ZFP90: variants seen among roughly 807,000 people sequenced by gnomAD.
ZFP90 encodes zinc finger protein 90 homolog.
Under a neutral mutation model 60.8 loss-of-function variants are expected in ZFP90, and 38 were observed. The observed-to-expected ratio is 0.62, with a 90% CI of 0.48 to 0.82. The LOEUF is 0.82. ZFP90 is among the 40% of genes least tolerant of loss of function. The probability of loss-of-function intolerance (pLI) is 0.00; values close to 1 mark genes in which losing one functional copy is unlikely to be tolerated. For synonymous variants in ZFP90, 287 were observed against 264.8 expected, an observed-to-expected ratio of 1.08 and a Z score of -0.82; for missense variants, 711 against 759.1, an observed-to-expected ratio of 0.94 and a Z score of 0.74.
intron 2 of ZFP90, among the ~76,000 whole-genome samples, chr16:68,572,208 A>G (rs929173353): frequency 2.0e-5 from 3 of 151,958 alleles, no homozygotes; most frequent in Admixed American, 1.3e-4. Flanking sequence ...GAAAGGTAGC[A>G]GACACACTAA....
chr16:68,541,655 C>T (rs1401122852), intron 2 of ZFP90, among the ~76,000 whole-genome samples: 3 of 151,972 alleles, frequency 2.0e-5, no homozygotes, highest in Admixed American at 2.0e-4. Flanking sequence ...CAGGGATGAG[C>T]CTTAAGGAGT....
At chr16:68,560,630 C>T (rs2091425844) in intron 4 of ZFP90, among the ~76,000 whole-genome samples, 1 of 151,606 alleles carries the variant, frequency 6.6e-6, no homozygotes, top group Non-Finnish European at 1.5e-5. Context: ...GATCTGAGGT[C>T]ACTGTAACCT....
At chr16:68,539,883 C>T (rs2091008573) in intron 2 of ZFP90, 58 bp downstream of exon 2, 11 of 1,579,952 alleles carry the variant, frequency 7.0e-6, no homozygotes, top group Non-Finnish European at 9.4e-6. Flanking sequence ...TCCCATCTCC[C>T]AAGGGTGTTT....
chr16:68,549,408 T>C (rs1197517105), intron 2 of ZFP90, among the ~76,000 whole-genome samples: 1 of 152,184 alleles, frequency 6.6e-6, no homozygotes, highest in Non-Finnish European at 1.5e-5. Context: ...CTGGGCGCGG[T>C]GGCTCATGCC....
intron 2 of ZFP90, among the ~76,000 whole-genome samples, 188 bp from the exon 3 acceptor site, chr16:68,557,810 T>C (rs1567405945): frequency 6.8e-6 from 1 of 147,716 alleles, no homozygotes; most frequent in Non-Finnish European, 1.5e-5. Context: ...CCCTCATAAC[T>C]TTCCTGCCTG....
Position 68,564,554 on chromosome 16 carries a change from C to T in ZFP90, c.1767C>T (p.Ala589=), listed in dbSNP as rs768196559. ...KPYECNECGR[A]FRKKTNLHDH... is the part of the protein sequence containing the mutation. ...ATGAATGTAATGAATGTGGGAGAGC[C>T]TTCCGAAAAAAAACCAACCTGCATG... Residue 589 remains alanine (A), a synonymous_variant, in exon 5 of 5, where the codon GCC becomes GCT. Coordinates refer to ENST00000563169, the MANE Select transcript of ZFP90 (RefSeq NM_001305203.2). 6.2e-7 allele frequency: 1 copy of T among 1,613,374 alleles called. No homozygotes were observed. Among genetic ancestry groups the T allele is most frequent in the South Asian group, 1.1e-5 (1 of 90,964 alleles).
Position 68,557,135 on chromosome 16 carries a change from A to G in ZFP90, c.34-863A>G, listed in dbSNP as rs529998625. The G allele has an allele frequency of 1.5e-4, 67 of 451,938 alleles. 1 individual carries two copies. The highest frequency in any genetic ancestry group is 1.0e-3 in the South Asian group (67 of 64,126). The allele number at this position is 451,938 out of a possible 1,614,324, so 28.0% of individuals were successfully genotyped here. On this transcript the variant is annotated intron_variant, in intron 2 of 4. Transcript: ENST00000563169. ...CCTGAGTAGCTGGGACTGTAGGCACACACCACCATGCCAGGCTAATTTTTT... is the reference window on the plus strand; with the variant it reads ...CCTGAGTAGCTGGGACTGTAGGCACGCACCACCATGCCAGGCTAATTTTTT...
At chr16:68,554,653 A>C (rs1397601013) in intron 2 of ZFP90, among the ~76,000 whole-genome samples, 1 of 152,142 alleles carries the variant, frequency 6.6e-6, no homozygotes, top group Non-Finnish European at 1.5e-5. Flanking sequence ...GGGAAAGCAG[A>C]ATGAAACCAG....
chr16:68,569,418 A>G (rs970985552), downstream of ZFP90, among the ~76,000 whole-genome samples: 2 of 152,188 alleles, frequency 1.3e-5, no homozygotes, highest in Non-Finnish European at 2.9e-5. Context: ...TACAGGCGTG[A>G]GCCAGTGCGC....
intron 2 of ZFP90, chr16:68,557,321 TTTA>T (rs1050052069): frequency 2.0e-5 from 9 of 453,876 alleles, no homozygotes; most frequent in Admixed American, 1.6e-4. Context: ...CCTGTCGCAT[TTTA>T]TTATTAATAC....
At chr16:68,550,538 A>C (rs1026739523) in intron 2 of ZFP90, among the ~76,000 whole-genome samples, 39 of 152,368 alleles carry the variant, frequency 2.6e-4, no homozygotes, top group African/African-American at 9.4e-4. Flanking sequence ...GGTGTGAGCC[A>C]CTGCGCCTGG....
At chr16:68,547,252 A>G (rs1054271719) in intron 2 of ZFP90, among the ~76,000 whole-genome samples, 18 of 152,198 alleles carry the variant, frequency 1.2e-4, no homozygotes, top group African/African-American at 4.3e-4. Flanking sequence ...ATTTATCCAC[A>G]TCCCCCCAAC....
rs1239851572 is a variant in ZFP90, at chr16:68,565,493, A to G, written c.*795A>G. On this transcript the variant is annotated 3_prime_UTR_variant, in exon 5 of 5. Transcript: ENST00000563169. ...AAAGCAACTTCTTGGAGGCTTACAA[A>G]CCACAATTTAACAGAAACTGTAGAT... 1 of 985,456 alleles carries G rather than the reference A, an allele frequency of 1.0e-6. No individual in the cohort carries two copies. The highest frequency in any genetic ancestry group is 1.2e-6 in the Non-Finnish European group (1 of 829,944). The allele number at this position is 985,456 out of a possible 1,614,324, so 61.0% of individuals were successfully genotyped here. A position where few individuals can be genotyped will look rare whatever the true frequency, so the allele number is the denominator to read the frequency against.
chr16:68,548,474 C>CTTTTTTTTTT (rs551779570), intron 2 of ZFP90, among the ~76,000 whole-genome samples: 6 of 81,084 alleles, frequency 7.4e-5, no homozygotes, highest in African/African-American at 2.6e-4. Context: ...GTTTATCCTC[C>CTTTTTTTTTT]TTTTTTTTTT....
chr16:68,567,164 A>G (rs1206006281), downstream of ZFP90: 2 of 985,428 alleles, frequency 2.0e-6, no homozygotes, highest in Non-Finnish European at 2.4e-6. Flanking sequence ...AATTTTCAGA[A>G]CTTGGCTAAG....
downstream of ZFP90, among the ~76,000 whole-genome samples, chr16:68,569,204 T>C (rs2152077966): frequency 6.8e-6 from 1 of 146,162 alleles, no homozygotes; most frequent in Middle Eastern, 3.7e-3. Flanking sequence ...TGGCATGATC[T>C]CAACTCACTG....
downstream of ZFP90, among the ~76,000 whole-genome samples, chr16:68,568,601 G>A (rs1402325674): frequency 6.6e-6 from 1 of 152,218 alleles, no homozygotes; most frequent in Non-Finnish European, 1.5e-5. Flanking sequence ...ACACAAAGAT[G>A]TTTATTGAGG....
At position 68,565,578 on chromosome 16, in the gene ZFP90, C is replaced by G; in HGVS notation, c.*880C>G. ...CAGTTACAATTATACTTTCAGCTAA[C>G]ATATGCCAGTTTCACAGAACTATTA... On this transcript the variant is annotated 3_prime_UTR_variant, in exon 5 of 5. Transcript: ENST00000563169. 1 of 985,578 alleles carries G rather than the reference C, an allele frequency of 1.0e-6. No homozygotes were observed. Among genetic ancestry groups the G allele is most frequent in the Non-Finnish European group, 1.2e-6 (1 of 829,922 alleles). The allele number at this position is 985,578 out of a possible 1,614,324, so 61.1% of individuals were successfully genotyped here. A position where few individuals can be genotyped will look rare whatever the true frequency, so the allele number is the denominator to read the frequency against.
chr16:68,535,375 A>T (rs1193158769), upstream of ZFP90: 1 of 152,190 alleles, frequency 6.6e-6, no homozygotes, highest in Non-Finnish European at 1.5e-5. Context: ...AGTCTCTACC[A>T]TGGGAGTATT....
Sources: allele counts gnomAD v4.1 joint callset (sites outside exome capture counted in the v4.1 genomes callset), GRCh38; gene constraint gnomAD v4.1.1; transcripts MANE v1.5; gene names NCBI Gene and HGNC (gene_info 2026-07-23, HGNC 2026-07-21).